AXDND1: variants seen among roughly 807,000 people sequenced by gnomAD.
AXDND1 encodes axonemal dynein light chain domain-containing protein 1.
In AXDND1, 110 loss-of-function variants were observed where a neutral mutation model predicts 137.5. That is an observed-to-expected ratio of 0.80 (90% confidence interval 0.69 to 0.94). AXDND1 has a LOEUF of 0.94. AXDND1 is among the 40% of genes least tolerant of loss of function. The pLI is 0.00. For missense variants in AXDND1, 1,191 were observed against 1,169.8 expected (o/e 1.02, Z -0.26); for synonymous variants, 414 against 399.7 (o/e 1.04, Z -0.43).
At chr1:179,380,127 T>A (rs1468424278) in intron 6 of AXDND1, among the ~76,000 whole-genome samples, 2 of 151,884 alleles carry the variant, frequency 1.3e-5, no homozygotes, top group Non-Finnish European at 2.9e-5. Flanking sequence ...TGGGTGCCTG[T>A]AGTCCCAGCT....
intron 9 of AXDND1, among the ~76,000 whole-genome samples, chr1:179,386,667 C>T (rs12728680): frequency 0.29 from 44,279 of 151,872 alleles, 6,658 homozygotes; most frequent in Non-Finnish European, 0.31. Context: ...CCTTCAAGTT[C>T]ATTAATCTTT....
intron 18 of AXDND1, among the ~76,000 whole-genome samples, chr1:179,488,661 T>G (rs546138076): frequency 7.6e-6 from 1 of 132,326 alleles, no homozygotes; most frequent in Non-Finnish European, 1.6e-5. Context: ...CTTTCTTTCT[T>G]TCTTTCTTTC....
At chr1:179,427,023 G>T (rs1656671667) in intron 12 of AXDND1, among the ~76,000 whole-genome samples, 1 of 152,084 alleles carries the variant, frequency 6.6e-6, no homozygotes, top group Non-Finnish European at 1.5e-5. Context: ...AAATTAGGCA[G>T]CATGGTGGCC....
At chr1:179,515,617 A>C (rs1423558698) in intron 21 of AXDND1, among the ~76,000 whole-genome samples, 4 of 152,080 alleles carry the variant, frequency 2.6e-5, no homozygotes, top group African/African-American at 9.7e-5. Context: ...GGATGTCTAG[A>C]TCTCTAGCGA....
rs1460529633 is a variant in AXDND1 at position 179,401,287 on chromosome 1, G to A, written c.1109+6085G>A. On this transcript the variant is annotated intron_variant, in intron 11 of 25. Coordinates refer to ENST00000367618, the MANE Select transcript of AXDND1 (RefSeq NM_144696.6). ...AAAAAAAAAAAAAAAAAGAACGTCT[G>A]CCTATTTCAGTAAATTTTTACTTCA... is the stretch of plus-strand genomic sequence containing the variant. Among the ~76,000 whole-genome samples the A allele has an allele frequency of 1.0e-4, 15 of 148,196 alleles. No individual in the cohort carries two copies. The South Asian group carries it at 2.8e-3, about 28-fold the overall frequency.
intron 16 of AXDND1, among the ~76,000 whole-genome samples, chr1:179,466,840 C>T (rs983152135): frequency 1.3e-5 from 2 of 152,112 alleles, no homozygotes; most frequent in African/African-American, 4.8e-5. Flanking sequence ...TTTATTCTGG[C>T]AGGTCATTTA....
At position 179,425,834 on chromosome 1, in the gene AXDND1, T is replaced by G. The variant is rs181721214; in HGVS notation, c.1231-3684T>G. On this transcript the variant is annotated intron_variant, in intron 12 of 25. Coordinates refer to ENST00000367618, the MANE Select transcript of AXDND1 (RefSeq NM_144696.6). ...TGTGTAAAGAGAGAAATGTGGAAGC[T>G]CTTTTTTTTTTTTTTTTTTTGAGAC... Among the ~76,000 whole-genome samples the G allele has an allele frequency of 9.9e-3, 1,154 of 116,788 alleles. 38 individuals are homozygous for G. Among genetic ancestry groups the G allele is most frequent in the Admixed American group, 0.071 (748 of 10,496 alleles). 76.6% of individuals were successfully genotyped at this position (116,788 alleles called of 152,430 possible). A position where few individuals can be genotyped will look rare whatever the true frequency, so the allele number is the denominator to read the frequency against.
intron 21 of AXDND1, among the ~76,000 whole-genome samples, chr1:179,513,339 T>A (rs1022120027): frequency 2.0e-5 from 3 of 152,256 alleles, no homozygotes; most frequent in African/African-American, 7.2e-5. Flanking sequence ...CTTTTGTTTT[T>A]AATTCTGTTT....
At chr1:179,512,692 T>C (rs1669172294) in intron 21 of AXDND1, among the ~76,000 whole-genome samples, 1 of 152,202 alleles carries the variant, frequency 6.6e-6, no homozygotes, top group Non-Finnish European at 1.5e-5. Flanking sequence ...TACTCATCCG[T>C]GAGCTTGGGG....
intron 25 of AXDND1, among the ~76,000 whole-genome samples, chr1:179,542,186 C>A (rs1672234848): frequency 6.6e-6 from 1 of 152,112 alleles, no homozygotes; most frequent in African/African-American, 2.4e-5. Context: ...GCAATATGCC[C>A]ACAAGCAGTT....
chr1:179,428,145 A>C (rs1359243257), intron 12 of AXDND1, among the ~76,000 whole-genome samples: 3 of 152,238 alleles, frequency 2.0e-5, no homozygotes, highest in African/African-American at 7.2e-5. Context: ...ATTCTGATGC[A>C]GAATTTTTAA....
chr1:179,487,806 G>A (rs532750465), intron 18 of AXDND1, among the ~76,000 whole-genome samples: 2 of 147,948 alleles, frequency 1.4e-5, no homozygotes, highest in South Asian at 4.2e-4. Flanking sequence ...GACCAACCTG[G>A]TCAACACAGT....
intron 12 of AXDND1, among the ~76,000 whole-genome samples, chr1:179,424,069 A>G (rs1656190361): frequency 6.6e-6 from 1 of 152,140 alleles, no homozygotes; most frequent in Admixed American, 6.5e-5. Flanking sequence ...TGTTTGGGAA[A>G]GACTATCTCT....
intron 6 of AXDND1, among the ~76,000 whole-genome samples, chr1:179,379,748 A>G (rs1286389019): frequency 2.0e-5 from 3 of 149,412 alleles, no homozygotes; most frequent in Non-Finnish European, 3.0e-5. Flanking sequence ...GTGAGCCAAG[A>G]TTGCACCATT....
Position 179,468,441 on chromosome 1 carries a change from A to G in AXDND1, c.1799-2A>G, listed in dbSNP as rs1408656025. 1.9e-6 allele frequency: 3 copies of G among 1,593,542 alleles called. No individual in the cohort carries two copies. Among genetic ancestry groups the G allele is most frequent in the Non-Finnish European group, 2.6e-6 (3 of 1,167,970 alleles). Reference sequence around the variant, plus strand: ...AAGTTAATGCTTTTCTTACTTTTCTAGGTTACTCCAAAATTCTTCCAAGTT... The same window carrying G: ...AAGTTAATGCTTTTCTTACTTTTCTGGGTTACTCCAAAATTCTTCCAAGTT... On this transcript the variant is annotated splice_acceptor_variant, in intron 16 of 25. Coordinates refer to ENST00000367618, the MANE Select transcript of AXDND1 (RefSeq NM_144696.6). LOFTEE classifies it high-confidence loss of function.
rs1169681701 is a variant in AXDND1 at position 179,366,624 on chromosome 1, T to C, written c.97+18T>C. ...GACAAGAGGTAAACTTCGTTGATTC[T>C]GAAGTCATAAACAGTCATGGCCGTA... On this transcript the variant is annotated intron_variant, in intron 2 of 25. Transcript: ENST00000367618. 2 of 1,579,038 alleles carry C rather than the reference T, an allele frequency of 1.3e-6. No homozygotes were observed. Among genetic ancestry groups the C allele is most frequent in the Admixed American group, 3.3e-5 (2 of 59,944 alleles).
chr1:179,496,831 G>A (rs571393373), intron 20 of AXDND1, among the ~76,000 whole-genome samples: 10 of 152,006 alleles, frequency 6.6e-5, no homozygotes, highest in South Asian at 4.2e-4. Context: ...CCATACCCCC[G>A]TAGGCATTTA....
chr1:179,400,678 C>T (rs7544777), intron 11 of AXDND1, among the ~76,000 whole-genome samples: 42,823 of 144,810 alleles, frequency 0.3, 6,342 homozygotes, highest in Non-Finnish European at 0.32. Flanking sequence ...CCAAGGTGGG[C>T]AGATCACGAG....
intron 16 of AXDND1, chr1:179,455,450 C>A (rs1050634891): frequency 6.6e-6 from 1 of 151,016 alleles, no homozygotes; most frequent in Non-Finnish European, 1.5e-5. Context: ...AAAAATTAGC[C>A]GGGCTTGGTG....
Sources: gnomAD v4.1 joint callset for allele counts (sites outside exome capture counted in the v4.1 genomes callset) on GRCh38, gnomAD v4.1.1 for gene constraint, MANE v1.5 for transcripts, NCBI Gene and HGNC (gene_info 2026-07-23, HGNC 2026-07-21) for gene names.